The following OFD1 variants were observed in gnomAD, a reference collection of about 807,000 sequenced individuals.
OFD1 encodes centriole and centriolar satellite protein OFD1.
Under a neutral mutation model 81.4 loss-of-function variants are expected in OFD1, and 12 were observed. The observed-to-expected ratio is 0.15, with a 90% CI of 0.09 to 0.24. The LOEUF (loss-of-function observed/expected upper bound fraction) is 0.24, where lower values mean the gene tolerates loss of function less well. Among genes scored for constraint, OFD1 ranks in the 10% least tolerant of loss-of-function variants. The pLI is 1.00. For missense variants in OFD1, 685 were observed against 733.9 expected (o/e 0.93, Z 0.77); for synonymous variants, 256 against 263.7 (o/e 0.97, Z 0.28).
intron 19 of OFD1, among the ~76,000 whole-genome samples, chrX:13,765,867 C>T (rs1373571616): frequency 8.9e-6 from 1 of 112,134 alleles, no homozygotes; most frequent in Non-Finnish European, 1.9e-5. Flanking sequence ...TAGTTTTTGA[C>T]AGATCAGGTA....
chrX:13,750,306 T>C (rs1216276504), intron 9 of OFD1, among the ~76,000 whole-genome samples: 9 of 112,030 alleles, frequency 8.0e-5, no homozygotes, highest in Non-Finnish European at 1.7e-4. Context: ...TTTACCTCCA[T>C]TTTCTCTACT....
chrX:13,732,660 G>A (rs770807398), upstream of OFD1, among the ~76,000 whole-genome samples: 1 of 112,929 alleles, frequency 8.9e-6, no homozygotes, highest in African/African-American at 3.2e-5. Flanking sequence ...CAAGCCCAGG[G>A]CTGCTCATTT....
chrX:13,744,581 A>G (rs2047223085), intron 6 of OFD1, 62 bp downstream of exon 6: 7 of 719,745 alleles, frequency 9.7e-6, no homozygotes, highest in Non-Finnish European at 1.5e-5. Flanking sequence ...GAAGGAAATT[A>G]TCTGATTTAC....
At chrX:13,747,692 T>A (rs781351566) in intron 8 of OFD1, among the ~76,000 whole-genome samples, 1 of 111,398 alleles carries the variant, frequency 9.0e-6, no homozygotes, top group Non-Finnish European at 1.9e-5. Flanking sequence ...GGTCCAAGAT[T>A]ACAGAATTGC....
chrX:13,718,353 G>A, the OFD1 span, among the ~76,000 whole-genome samples: 7 of 113,226 alleles, frequency 6.2e-5, no homozygotes, highest in African/African-American at 2.2e-4. Context: ...ATGTTTTTGT[G>A]TCTGGCTCAC....
chrX:13,769,239 TC>T lies in OFD1; in HGVS notation c.*133del, dbSNP rs1491374273. ...GTGTAATCCAATGTGGGTTTTTTTT[TC>T]CATAATTAATTTTGATACCATAGTG... On this transcript the variant is annotated 3_prime_UTR_variant, in exon 23 of 23. Transcript: ENST00000340096. 7.1e-6 allele frequency: 4 copies of T among 562,660 alleles called. No homozygotes were observed. Among genetic ancestry groups the T allele is most frequent in the Non-Finnish European group, 9.2e-6 (3 of 326,483 alleles). 46.4% of individuals were successfully genotyped at this position (562,660 alleles called of 1,213,427 possible). A position where few individuals can be genotyped will look rare whatever the true frequency, so the allele number is the denominator to read the frequency against.
chrX:13,760,969 G>C, intron 16 of OFD1, 116 bp from the exon 17 acceptor site: 2 of 929,598 alleles, frequency 2.2e-6, no homozygotes, highest in Non-Finnish European at 3.1e-6. Flanking sequence ...CATCATAATT[G>C]GCTATTTGTG....
intron 14 of OFD1, 105 bp from the exon 15 acceptor site, chrX:13,758,232 T>C: frequency 1.8e-6 from 1 of 552,925 alleles, no homozygotes; most frequent in Non-Finnish European, 3.1e-6. Context: ...CTTCTTGGAA[T>C]TGGCAGAACA....
chrX:13,752,628 A>G, intron 10 of OFD1: 2 of 897,435 alleles, frequency 2.2e-6, no homozygotes, highest in Non-Finnish European at 1.4e-6. Flanking sequence ...AATTTTTAGG[A>G]ATAAATGAAT....
chrX:13,772,803 C>T (rs1353963968), downstream of OFD1: 19 of 953,252 alleles, frequency 2.0e-5, no homozygotes, highest in Non-Finnish European at 2.8e-5. Flanking sequence ...TGGTGGGATA[C>T]ACATCTGTAC....
Position 13,769,154 on chromosome X carries a change from C to T in OFD1, c.*46C>T, listed in dbSNP as rs1280404969. 2.1e-5 allele frequency: 21 copies of T among 991,814 alleles called. No homozygotes were observed. The highest frequency in any genetic ancestry group is 4.4e-5 in the Admixed American group (2 of 45,329). The allele number at this position is 991,814 out of a possible 1,213,427, so 81.7% of individuals were successfully genotyped here. A position where few individuals can be genotyped will look rare whatever the true frequency, so the allele number is the denominator to read the frequency against. On this transcript the variant is annotated 3_prime_UTR_variant, in exon 23 of 23. Transcript: ENST00000340096. ...CTAACTTACATACCGTGAGAAGTTA[C>T]GTAACATTTACTCCTTTGTAAATGT...
Position 13,734,814 on chromosome X carries a change from C to T in OFD1, c.-258C>T. 1 of 1,075,934 alleles carries T rather than the reference C, an allele frequency of 9.3e-7. No homozygotes were observed. The highest frequency in any genetic ancestry group is 3.4e-5 in the East Asian group (1 of 29,781). 88.7% of individuals were successfully genotyped at this position (1,075,934 alleles called of 1,213,427 possible). A position where few individuals can be genotyped will look rare whatever the true frequency, so the allele number is the denominator to read the frequency against. ...AGTGTCTGGGTCCCCGCCCTCCAGC[C>T]GCCTTTGAGTCGTGCCTGGGTCCTC... On this transcript the variant is annotated 5_prime_UTR_variant, in exon 1 of 23. Coordinates refer to ENST00000340096, the MANE Select transcript of OFD1 (RefSeq NM_003611.3).
At chrX:13,765,353 T>C (rs2048087668) in intron 19 of OFD1, among the ~76,000 whole-genome samples, 1 of 111,439 alleles carries the variant, frequency 9.0e-6, no homozygotes, top group Non-Finnish European at 1.9e-5. Flanking sequence ...TTGTAATTGG[T>C]GCTTAAACAA....
At chrX:13,753,534 C>T in intron 11 of OFD1, 93 bp downstream of exon 11, 1 of 812,115 alleles carries the variant, frequency 1.2e-6, no homozygotes, top group Non-Finnish European at 1.8e-6. Flanking sequence ...CTAAAAAATA[C>T]AGCTTACACT....
rs1329019794 is a variant in OFD1, at chrX:13,761,094, G to C, written c.2270G>C (p.Arg757Thr). ...TCTTTCTGCACCTTAGGTCTGGGCA[G>C]ATCACACATTGCTTCCCCCAGTCCT... ...ESEMYLEGLG[R>T]SHIASPSPCP... The change falls in exon 17 of 23, where the codon AGA becomes ACA. Residue 757 changes from arginine (R) to threonine (T), a missense_variant. Around this residue, in one of 3 missense-constraint regions of OFD1, gnomAD observed 259 missense variants for 254.4 expected, o/e 1.02. Transcript: ENST00000340096. 1.4e-5 allele frequency: 17 copies of C among 1,211,383 alleles called. No homozygotes were observed. The highest frequency in any genetic ancestry group is 1.9e-5 in the Non-Finnish European group (17 of 895,329).
At position 13,734,978 on chromosome X, in the gene OFD1, T is replaced by A; in HGVS notation, c.-94T>A. The A allele has an allele frequency of 8.7e-7, 1 of 1,154,371 alleles. No individual in the cohort carries two copies. Among genetic ancestry groups the A allele is most frequent in the Non-Finnish European group, 1.1e-6 (1 of 871,278 alleles). On this transcript the variant is annotated 5_prime_UTR_variant, in exon 1 of 23. Coordinates refer to ENST00000340096, the MANE Select transcript of OFD1 (RefSeq NM_003611.3). Reference sequence around the variant, plus strand: ...AGAGGCAGGGTTCTGAGGGCAGGGATTCCCCCTCGTCTTGGCCCCACCGCC... The same window carrying A: ...AGAGGCAGGGTTCTGAGGGCAGGGAATCCCCCTCGTCTTGGCCCCACCGCC...
rs1186088715 is a variant in OFD1 at position 13,760,179 on chromosome X, A to G, written c.1719A>G (p.Leu573=). 21 of 1,210,236 alleles carry G rather than the reference A, an allele frequency of 1.7e-5. No homozygotes were observed. The highest frequency in any genetic ancestry group is 2.1e-5 in the Non-Finnish European group (19 of 895,000). ...QSVIDRSVNG[L]INGNVVPCNG... ...TGATCGATCGTTCTGTCAATGGATT[A>G]ATAAATGGCAATGTGGTGCCTTGCA... Residue 573 remains leucine (L), a synonymous_variant, in exon 16 of 23, where the codon TTA becomes TTG. Coordinates refer to ENST00000340096, the MANE Select transcript of OFD1 (RefSeq NM_003611.3).
At chrX:13,735,185 C>T (rs2046808503) in intron 1 of OFD1, 63 bp from the exon 2 acceptor site, 5 of 1,193,433 alleles carry the variant, frequency 4.2e-6, no homozygotes, top group Admixed American at 4.3e-5. Flanking sequence ...GGCCACTGGT[C>T]TGTTTTCAGA....
At chrX:13,739,293 C>G in intron 5 of OFD1, 1 of 182,853 alleles carries the variant, frequency 5.5e-6, no homozygotes. Context: ...GGGAATATTT[C>G]TGCAAAAAAA....
Sources: gnomAD v4.1 joint callset for allele counts (sites outside exome capture counted in the v4.1 genomes callset) on GRCh38, gnomAD v4.1.1 for gene constraint, gnomAD v4.1.1 regional missense constraint, MANE v1.5 for transcripts, NCBI Gene and HGNC (gene_info 2026-07-23, HGNC 2026-07-21) for gene names.